Variants in CDH18 observed in about 807,000 individuals in gnomAD.
CDH18 encodes cadherin-18.
CDH18 carries 31 observed loss-of-function variants against 67.9 expected under a neutral mutation model. The observed-to-expected ratio is 0.46, with a 90% CI of 0.34 to 0.62. The LOEUF is 0.62. Among genes scored for constraint, CDH18 ranks in the 20% least tolerant of loss-of-function variants. The pLI is 0.01. For synonymous variants in CDH18, 362 were observed against 347.2 expected, an observed-to-expected ratio of 1.04 and a Z score of -0.48; for missense variants, 890 against 975.5, an observed-to-expected ratio of 0.91 and a Z score of 1.17.
intron 1 of CDH18, among the ~76,000 whole-genome samples, chr5:20,264,721 CATA>C (rs1744902278): frequency 6.6e-6 from 1 of 152,020 alleles, no homozygotes; most frequent in Non-Finnish European, 1.5e-5. Context: ...AAAAGTCACA[CATA>C]ATAAAATAAG....
At chr5:20,370,309 G>A (rs1007223865) in intron 1 of CDH18, among the ~76,000 whole-genome samples, 1 of 151,782 alleles carries the variant, frequency 6.6e-6, no homozygotes, top group Non-Finnish European at 1.5e-5. Flanking sequence ...TAATTGATTT[G>A]TCATATGATA....
chr5:20,066,156 A>G (rs1281943452), intron 2 of CDH18, among the ~76,000 whole-genome samples: 2 of 151,924 alleles, frequency 1.3e-5, no homozygotes, highest in African/African-American at 2.4e-5. Flanking sequence ...TGGAACATCA[A>G]CTCTAATTTT....
At chr5:19,673,626 T>C (rs1439442933) in intron 5 of CDH18, among the ~76,000 whole-genome samples, 1 of 151,998 alleles carries the variant, frequency 6.6e-6, no homozygotes, top group Non-Finnish European at 1.5e-5. Context: ...ATTCTTTTAA[T>C]TAAATCAAGT....
chr5:20,046,812 T>C, intron 2 of CDH18, among the ~76,000 whole-genome samples: 1 of 151,712 alleles, frequency 6.6e-6, no homozygotes, highest in African/African-American at 2.4e-5. Flanking sequence ...TTTTATTAGA[T>C]TTTGGGGAAA....
chr5:20,574,705 C>A (rs1030070093), intron 1 of CDH18, among the ~76,000 whole-genome samples: 6 of 152,082 alleles, frequency 3.9e-5, no homozygotes, highest in Admixed American at 2.6e-4. Context: ...TTCTTCCCAG[C>A]AGAGGATTTA....
At chr5:19,642,737 G>T (rs554965905) in intron 5 of CDH18, among the ~76,000 whole-genome samples, 1 of 152,052 alleles carries the variant, frequency 6.6e-6, no homozygotes, top group African/African-American at 2.4e-5. Flanking sequence ...AAAAGATAGG[G>T]GGAAGGCTTC....
At chr5:20,148,486 A>G (rs1193556675) in intron 2 of CDH18, among the ~76,000 whole-genome samples, 1 of 152,152 alleles carries the variant, frequency 6.6e-6, no homozygotes, top group African/African-American at 2.4e-5. Context: ...GCAATTTTAT[A>G]CAAATATCTG....
intron 1 of CDH18, among the ~76,000 whole-genome samples, chr5:20,477,039 G>A (rs1283582805): frequency 6.6e-6 from 1 of 152,048 alleles, no homozygotes; most frequent in East Asian, 1.9e-4. Flanking sequence ...GGATGCTATA[G>A]GTATTTTTCT....
chr5:20,237,861 T>C (rs1332777265), intron 2 of CDH18, among the ~76,000 whole-genome samples: 1 of 151,874 alleles, frequency 6.6e-6, no homozygotes, highest in Non-Finnish European at 1.5e-5. Flanking sequence ...TCATAATAAC[T>C]ATAACAAAAC....
intron 5 of CDH18, among the ~76,000 whole-genome samples, chr5:19,680,168 C>T (rs1760080019): frequency 6.6e-6 from 1 of 151,886 alleles, no homozygotes; most frequent in African/African-American, 2.4e-5. Context: ...CAAAAACAAG[C>T]CATGTGGAAA....
chr5:19,605,455 A>G (rs907267760), intron 6 of CDH18, among the ~76,000 whole-genome samples: 22 of 152,026 alleles, frequency 1.4e-4, no homozygotes, highest in Non-Finnish European at 2.9e-4. Flanking sequence ...TAATAATTTC[A>G]TCTTTATTTT....
chr5:20,400,632 C>T (rs1745684565), intron 1 of CDH18, among the ~76,000 whole-genome samples: 1 of 149,820 alleles, frequency 6.7e-6, no homozygotes, highest in Admixed American at 6.7e-5. Flanking sequence ...GGTGGTGGCA[C>T]ACGCCTGTAA....
At chr5:19,840,435 G>C (rs1782171796) in intron 2 of CDH18, among the ~76,000 whole-genome samples, 1 of 152,106 alleles carries the variant, frequency 6.6e-6, no homozygotes, top group Non-Finnish European at 1.5e-5. Flanking sequence ...GGGTGCAGTA[G>C]CTCACGACTG....
Position 19,698,756 on chromosome 5 carries a change from G to C in CDH18, c.643+22591C>G, listed in dbSNP as rs142116696. On this transcript the variant is annotated intron_variant, in intron 5 of 12. Coordinates refer to ENST00000382275, the MANE Select transcript of CDH18 (RefSeq NM_004934.5). ...GGAGAGAAAAGATGTGGAAGAGAGA[G>C]AGAAAGAAAGAGATATTCAATATTT... Among the ~76,000 whole-genome samples the C allele has an allele frequency of 1.1e-4, 16 of 152,130 alleles. No individual in the cohort carries two copies. In the East Asian group the frequency reaches 2.7e-3, roughly 26 times the overall value.
chr5:19,863,480 C>T (rs1785119632), intron 2 of CDH18, among the ~76,000 whole-genome samples: 1 of 152,164 alleles, frequency 6.6e-6, no homozygotes, highest in African/African-American at 2.4e-5. Context: ...TTCTGAGGAT[C>T]TCATTAAGCC....
intron 2 of CDH18, among the ~76,000 whole-genome samples, chr5:20,131,053 A>G (rs540764064): frequency 6.0e-4 from 91 of 152,250 alleles, no homozygotes; most frequent in African/African-American, 1.9e-3. Flanking sequence ...AAATCACTTC[A>G]TATCATTTAA....
chr5:20,567,131 T>C (rs1222716476), intron 1 of CDH18, among the ~76,000 whole-genome samples: 1 of 152,178 alleles, frequency 6.6e-6, no homozygotes, highest in African/African-American at 2.4e-5. Flanking sequence ...TTCAATAGAA[T>C]ATTTAATACA....
At chr5:20,517,249 T>C (rs1755435001) in intron 1 of CDH18, among the ~76,000 whole-genome samples, 1 of 151,660 alleles carries the variant, frequency 6.6e-6, no homozygotes, top group South Asian at 2.1e-4. Flanking sequence ...AGAGAAAATA[T>C]AATACTTGAA....
chr5:20,464,368 T>C (rs1339690440), intron 1 of CDH18, among the ~76,000 whole-genome samples: 4 of 152,178 alleles, frequency 2.6e-5, no homozygotes, highest in Non-Finnish European at 4.4e-5. Flanking sequence ...AATGCATGTG[T>C]GTGCAACAGA....
Sources: gnomAD v4.1 joint callset for allele counts (sites outside exome capture counted in the v4.1 genomes callset) on GRCh38, gnomAD v4.1.1 for gene constraint, MANE v1.5 for transcripts, NCBI Gene and HGNC (gene_info 2026-07-23, HGNC 2026-07-21) for gene names.